DTL: variants seen among roughly 807,000 people sequenced by gnomAD.
The protein encoded by DTL is denticleless E3 ubiquitin protein ligase adapter.
Under a neutral mutation model 87.0 loss-of-function variants are expected in DTL, and 46 were observed. The ratio of observed to expected loss-of-function variants is 0.53; its 90% confidence interval spans 0.42 to 0.68. The LOEUF is 0.68. DTL is among the 30% of genes least tolerant of loss of function. DTL has a pLI of 0.00. For synonymous variants in DTL, 308 were observed against 311.2 expected, an observed-to-expected ratio of 0.99 and a Z score of 0.11; for missense variants, 737 against 869.4, an observed-to-expected ratio of 0.85 and a Z score of 1.91.
intron 5 of DTL, among the ~76,000 whole-genome samples, chr1:212,047,728 G>T (rs1258337693): frequency 2.0e-5 from 3 of 152,146 alleles, no homozygotes; most frequent in Non-Finnish European, 2.9e-5. Flanking sequence ...TAGAGACGGG[G>T]TTTCACCATG....
At chr1:212,048,189 TTTTG>T (rs1177830534) in intron 5 of DTL, among the ~76,000 whole-genome samples, 17 of 152,080 alleles carry the variant, frequency 1.1e-4, no homozygotes, top group Admixed American at 3.9e-4. Context: ...GTTTTTTGTT[TTTTG>T]TTTGTTTGTT....
chr1:212,065,582 A>G (rs907848698), intron 7 of DTL, among the ~76,000 whole-genome samples: 3 of 152,104 alleles, frequency 2.0e-5, no homozygotes, highest in African/African-American at 7.2e-5. Flanking sequence ...ACACACCCCT[A>G]TAGTATAGTG....
At chr1:212,094,720 T>C (rs1440735326) in intron 13 of DTL, among the ~76,000 whole-genome samples, 1 of 152,228 alleles carries the variant, frequency 6.6e-6, no homozygotes, top group Non-Finnish European at 1.5e-5. Context: ...GCATTGATTC[T>C]ACCCATCCTT....
chr1:212,059,754 T>C lies in DTL; in HGVS notation c.461-3130T>C, dbSNP rs571990574. 8.4e-4 allele frequency among the ~76,000 whole-genome samples: 97 copies of C among 114,816 alleles called. 1 individual carries two copies. Among genetic ancestry groups the C allele is most frequent in the African/African-American group, 3.1e-3 (95 of 30,438 alleles). 75.3% of individuals were successfully genotyped at this position (114,816 alleles called of 152,430 possible). A position where few individuals can be genotyped will look rare whatever the true frequency, so the allele number is the denominator to read the frequency against. ...TTCCTTGGCTGATGTTATGATCTTA[T>C]ATCTAGAAAAACTTAAAGACTCTAC... On this transcript the variant is annotated intron_variant, in intron 5 of 14. Transcript: ENST00000366991.
chr1:212,054,523 G>C (rs1668101728), intron 5 of DTL, among the ~76,000 whole-genome samples: 1 of 151,976 alleles, frequency 6.6e-6, no homozygotes, highest in East Asian at 1.9e-4. Context: ...GCCAGGCACG[G>C]TGGCTCATGC....
At chr1:212,081,860 A>G (rs1361649466) in intron 13 of DTL, among the ~76,000 whole-genome samples, 2 of 152,186 alleles carry the variant, frequency 1.3e-5, no homozygotes, top group African/African-American at 4.8e-5. Flanking sequence ...TTCCATTTGG[A>G]CATGTTGTTT....
intron 10 of DTL, among the ~76,000 whole-genome samples, chr1:212,069,539 T>C (rs1402207388): frequency 6.6e-6 from 1 of 151,740 alleles, no homozygotes; most frequent in East Asian, 1.9e-4. Context: ...GATGTAGATA[T>C]AGATATAAAT....
At chr1:212,057,202 GTCAAAC>G (rs1280206360) in intron 5 of DTL, among the ~76,000 whole-genome samples, 2 of 152,028 alleles carry the variant, frequency 1.3e-5, no homozygotes, top group Admixed American at 6.5e-5. Context: ...GCACATTGTA[GTCAAAC>G]TCAAAAGTCA....
intron 14 of DTL, among the ~76,000 whole-genome samples, chr1:212,102,473 T>C (rs1470171201): frequency 1.3e-5 from 2 of 152,226 alleles, no homozygotes; most frequent in East Asian, 3.8e-4. Flanking sequence ...AATGTCAACC[T>C]TCAGAAGAGA....
At chr1:212,066,054 A>T (rs1654488018) in intron 7 of DTL, among the ~76,000 whole-genome samples, 2 of 152,226 alleles carry the variant, frequency 1.3e-5, no homozygotes, top group South Asian at 4.1e-4. Flanking sequence ...TGGGTAGAAC[A>T]TAGTACCACT....
chr1:212,069,935 A>G (rs1654622026), intron 10 of DTL, among the ~76,000 whole-genome samples: 1 of 152,180 alleles, frequency 6.6e-6, no homozygotes. Context: ...TGGCAGCATC[A>G]TAGTCTGCAT....
At chr1:212,044,849 C>A in intron 3 of DTL, 91 bp downstream of exon 3, 1 of 763,520 alleles carries the variant, frequency 1.3e-6, no homozygotes, top group Non-Finnish European at 2.2e-6. Flanking sequence ...CTGTTTTAGT[C>A]TGTCTTCTGT....
At chr1:212,057,650 T>TA (rs1329382344) in intron 5 of DTL, among the ~76,000 whole-genome samples, 1 of 151,832 alleles carries the variant, frequency 6.6e-6, no homozygotes, top group Non-Finnish European at 1.5e-5. Context: ...ACCATAATGA[T>TA]AAAAAGTACC....
At chr1:212,050,997 C>T (rs201501840) in intron 5 of DTL, among the ~76,000 whole-genome samples, 1 of 152,020 alleles carries the variant, frequency 6.6e-6, no homozygotes, top group East Asian at 1.9e-4. Context: ...TATCCCACTC[C>T]CTCTGGTACT....
chr1:212,036,238 T>C (rs1184808389), intron 1 of DTL, among the ~76,000 whole-genome samples: 1 of 152,148 alleles, frequency 6.6e-6, no homozygotes, highest in Non-Finnish European at 1.5e-5. Context: ...GGAAAATGCA[T>C]GCATTTGTGT....
chr1:212,100,626 G>A lies in DTL; in HGVS notation c.1636G>A (p.Glu546Lys), dbSNP rs1274321833. The change falls in exon 14 of 15, where the codon GAG becomes AAG. Residue 546 changes from glutamate (E) to lysine (K), a missense_variant. Glu to Lys is a moderately conservative substitution (Grantham distance 56, BLOSUM62 1). Transcript: ENST00000366991. Reference protein sequence around the residue: ...QKSSQAEACSESRNRVKRRLD... With the variant: ...QKSSQAEACSKSRNRVKRRLD... Reference sequence around the variant, plus strand: ...GTCATCCCAAGCAGAGGCTTGCTCTGAGTCTAGAAATAGAGTAAAGAGGAG... The same window carrying A: ...GTCATCCCAAGCAGAGGCTTGCTCTAAGTCTAGAAATAGAGTAAAGAGGAG... 2 of 1,614,036 alleles carry A rather than the reference G, an allele frequency of 1.2e-6. No individual in the cohort carries two copies. Among genetic ancestry groups the A allele is most frequent in the African/African-American group, 1.3e-5 (1 of 75,006 alleles).
rs530068404 is a variant in DTL at position 212,103,380 on chromosome 1, G to C, written c.*440G>C. On this transcript the variant is annotated 3_prime_UTR_variant, in exon 15 of 15. Coordinates refer to ENST00000366991, the MANE Select transcript of DTL (RefSeq NM_016448.4). ...AGAAATCCTCTGCTGAAGACCCCTG[G>C]TTCTGTTCTGCCTCCAACATGTATA... 6.6e-6 allele frequency: 1 copy of C among 152,624 alleles called. No homozygotes were observed. The highest frequency in any genetic ancestry group is 2.1e-4 in the South Asian group (1 of 4,858). 9.5% of individuals were successfully genotyped at this position (152,624 alleles called of 1,614,324 possible).
chr1:212,059,625 C>T (rs571106726), intron 5 of DTL, among the ~76,000 whole-genome samples: 1 of 152,124 alleles, frequency 6.6e-6, no homozygotes, highest in Admixed American at 6.5e-5. Flanking sequence ...CAAGGACGCA[C>T]GCTTTTCACC....
At chr1:212,102,737 A>G (rs1437930107) in intron 14 of DTL, 105 bp from the exon 15 acceptor site, 1 of 746,902 alleles carries the variant, frequency 1.3e-6, no homozygotes, top group East Asian at 2.6e-5. Context: ...AAAGCAGGCT[A>G]AACAATGAAA....
Sources: gnomAD v4.1 joint callset for allele counts (sites outside exome capture counted in the v4.1 genomes callset) on GRCh38, gnomAD v4.1.1 for gene constraint, MANE v1.5 for transcripts, NCBI Gene and HGNC (gene_info 2026-07-23, HGNC 2026-07-21) for gene names.